SMARCC1: variants seen among roughly 807,000 people sequenced by gnomAD.
SMARCC1 encodes SWI/SNF related BAF chromatin remodeling complex subunit C1.
Under a neutral mutation model 147.4 loss-of-function variants are expected in SMARCC1, and 43 were observed. The observed-to-expected ratio is 0.29, with a 90% CI of 0.23 to 0.38. The LOEUF (loss-of-function observed/expected upper bound fraction) is 0.38, where lower values mean the gene tolerates loss of function less well. SMARCC1 is among the 10% of genes least tolerant of loss of function. The probability of loss-of-function intolerance (pLI) is 1.00; values close to 1 mark genes in which losing one functional copy is unlikely to be tolerated. For synonymous variants in SMARCC1, 495 were observed against 484.4 expected (o/e 1.02, Z -0.29); for missense variants, 1,119 against 1,381.1 (o/e 0.81, Z 3.01).
At chr3:47,759,267 C>T (rs576527185) in intron 2 of SMARCC1, among the ~76,000 whole-genome samples, 25 of 151,602 alleles carry the variant, frequency 1.6e-4, no homozygotes, top group Non-Finnish European at 3.1e-4. Flanking sequence ...CCCACCTCAG[C>T]CTCCCAAAAT....
chr3:47,764,694 T>TG, intron 2 of SMARCC1, among the ~76,000 whole-genome samples: 1 of 152,306 alleles, frequency 6.6e-6, no homozygotes, highest in Non-Finnish European at 1.5e-5. Context: ...CTCACTGCCC[T>TG]TGCACATGAA....
At chr3:47,745,000 G>T (rs949746936) in intron 3 of SMARCC1, among the ~76,000 whole-genome samples, 9 of 152,278 alleles carry the variant, frequency 5.9e-5, no homozygotes, top group African/African-American at 1.9e-4. Flanking sequence ...AGGCACGGTG[G>T]CTCACACCTG....
intron 2 of SMARCC1, among the ~76,000 whole-genome samples, chr3:47,756,752 G>C (rs1275689132): frequency 1.3e-5 from 2 of 152,120 alleles, no homozygotes; most frequent in African/African-American, 4.8e-5. Context: ...GCAAAAGCAA[G>C]TACTTGCATC....
intron 10 of SMARCC1, among the ~76,000 whole-genome samples, chr3:47,702,062 T>C (rs1360458075): frequency 6.6e-6 from 1 of 152,106 alleles, no homozygotes; most frequent in East Asian, 1.9e-4. Flanking sequence ...TGATCAAAGA[T>C]ACGTACCATT....
intron 17 of SMARCC1, 62 bp downstream of exon 17, chr3:47,676,563 AATAG>A (rs2033576825): frequency 4.3e-6 from 5 of 1,153,038 alleles, no homozygotes; most frequent in Non-Finnish European, 6.4e-6. Context: ...ATTGTTTCTA[AATAG>A]ATATGCTATA....
intron 23 of SMARCC1, among the ~76,000 whole-genome samples, chr3:47,635,564 C>T (rs1047543601): frequency 6.6e-6 from 1 of 152,092 alleles, no homozygotes; most frequent in Non-Finnish European, 1.5e-5. Context: ...TATCATTTTG[C>T]TAAGTTCTAT....
At chr3:47,694,859 G>A (rs1044234611) in intron 11 of SMARCC1, among the ~76,000 whole-genome samples, 9 of 151,976 alleles carry the variant, frequency 5.9e-5, no homozygotes, top group Admixed American at 1.3e-4. Flanking sequence ...CATAATCAAC[G>A]GTAAATACTA....
intron 2 of SMARCC1, among the ~76,000 whole-genome samples, chr3:47,772,570 A>G (rs966028289): frequency 6.6e-6 from 1 of 152,200 alleles, no homozygotes; most frequent in African/African-American, 2.4e-5. Flanking sequence ...AGGGAACTGC[A>G]ACATAGTAAA....
intron 6 of SMARCC1, among the ~76,000 whole-genome samples, chr3:47,721,025 G>A (rs1366491595): frequency 1.3e-5 from 2 of 151,982 alleles, no homozygotes; most frequent in African/African-American, 4.8e-5. Context: ...TCACCCACCA[G>A]CCTCCCCTCT....
chr3:47,606,100 TA>T (rs57110413), intron 26 of SMARCC1, among the ~76,000 whole-genome samples: 153 of 148,776 alleles, frequency 1.0e-3, no homozygotes, highest in South Asian at 3.6e-3. Flanking sequence ...AGACTAAAAA[TA>T]AAAAAAAAAC....
In SMARCC1 at chr3:47,706,465, C is replaced by T. The variant is rs1297422585; in HGVS notation, c.984G>A (p.Ser328=). 2.5e-6 allele frequency: 4 copies of T among 1,579,898 alleles called. No homozygotes were observed. The highest frequency in any genetic ancestry group is 2.3e-5 in the South Asian group (2 of 85,142). ...ASANARKRKH[S]PSPPPPTPTE... is the part of the protein sequence containing the mutation. ...TTGGTGTCGGAGGGGGAGGCGAAGG[C>T]GAATGTTTCCTCTTTCGAGCATTAG... The change falls in exon 10 of 28, where the codon TCG becomes TCA. Residue 328 remains serine, a synonymous_variant. Transcript: ENST00000254480.
chr3:47,696,446 T>C (rs2033853985), intron 11 of SMARCC1, among the ~76,000 whole-genome samples: 1 of 151,600 alleles, frequency 6.6e-6, no homozygotes, highest in Admixed American at 6.6e-5. Flanking sequence ...CGGCACAACA[T>C]ATGTCCTTTT....
chr3:47,727,385 T>C (rs918912447), intron 6 of SMARCC1, among the ~76,000 whole-genome samples: 2 of 151,422 alleles, frequency 1.3e-5, no homozygotes, highest in Admixed American at 1.3e-4. Context: ...TGGGCACCTG[T>C]AATCCCAGCT....
intron 1 of SMARCC1, among the ~76,000 whole-genome samples, 165 bp downstream of exon 1, chr3:47,781,438 C>G (rs2106887700): frequency 6.6e-6 from 1 of 152,304 alleles, no homozygotes; most frequent in African/African-American, 2.4e-5. Context: ...GCCCCGGGAT[C>G]GCGGGCGCCC....
rs1251525341 is a variant in SMARCC1, at chr3:47,600,872, T to G, written c.3043+9194A>C. On this transcript the variant is annotated intron_variant, in intron 26 of 27. Coordinates refer to ENST00000254480, the MANE Select transcript of SMARCC1 (RefSeq NM_003074.4). ...ATTAATTCTTACTAACATTAAGAGA[T>G]CTGGCCCACACAAATCTGAAATGCA... Among the ~76,000 whole-genome samples, 33 of 151,964 alleles carry G rather than the reference T, an allele frequency of 2.2e-4. 1 individual carries two copies. Among genetic ancestry groups the G allele is most frequent in the Non-Finnish European group, 4.4e-5 (3 of 67,988 alleles).
chr3:47,624,306 A>G (rs1169781173), intron 24 of SMARCC1, among the ~76,000 whole-genome samples: 2 of 152,106 alleles, frequency 1.3e-5, no homozygotes, highest in African/African-American at 2.4e-5. Flanking sequence ...AATAAAAAAT[A>G]AAATAAAAGA....
chr3:47,693,562 C>G (rs935045487), intron 11 of SMARCC1, among the ~76,000 whole-genome samples: 1 of 152,114 alleles, frequency 6.6e-6, no homozygotes, highest in Non-Finnish European at 1.5e-5. Context: ...TCTTTCAATC[C>G]CTTCCACAAA....
At chr3:47,657,014 G>A (rs979323038) in intron 21 of SMARCC1, among the ~76,000 whole-genome samples, 3 of 152,000 alleles carry the variant, frequency 2.0e-5, no homozygotes, top group Admixed American at 1.3e-4. Flanking sequence ...GACACAAAAC[G>A]TTATATAAGA....
intron 19 of SMARCC1, chr3:47,670,397 C>A (rs1190682647): frequency 2.2e-6 from 1 of 457,976 alleles, no homozygotes; most frequent in Middle Eastern, 5.7e-4. Flanking sequence ...CCAGCCTGGA[C>A]AACATGGTGA....
Sources: allele counts gnomAD v4.1 joint callset (sites outside exome capture counted in the v4.1 genomes callset), GRCh38; gene constraint gnomAD v4.1.1; transcripts MANE v1.5; gene names NCBI Gene and HGNC (gene_info 2026-07-23, HGNC 2026-07-21).